Variants in REEP3 observed in about 807,000 individuals in gnomAD.
REEP3 encodes receptor accessory protein 3.
A neutral mutation model predicts 41.3 loss-of-function variants in REEP3; 20 were observed. That is an observed-to-expected ratio of 0.48 (90% CI 0.34 to 0.70). The LOEUF is 0.70. Ranked by LOEUF, REEP3 falls within the 30% of genes least tolerant of loss-of-function variation. The pLI, the probability that REEP3 is intolerant of heterozygous loss-of-function variation, is 0.01. For synonymous variants in REEP3, 104 were observed against 101.8 expected, an observed-to-expected ratio of 1.02 and a Z score of -0.13; for missense variants, 271 against 308.8, an observed-to-expected ratio of 0.88 and a Z score of 0.92.
chr10:63,576,917 T>G (rs1955903491), intron 2 of REEP3, among the ~76,000 whole-genome samples: 1 of 152,152 alleles, frequency 6.6e-6, no homozygotes, highest in Non-Finnish European at 1.5e-5. Flanking sequence ...TTAACCTTAA[T>G]TACCACCATA....
At chr10:63,607,881 TA>T in intron 5 of REEP3, among the ~76,000 whole-genome samples, 1 of 152,248 alleles carries the variant, frequency 6.6e-6, no homozygotes, top group Non-Finnish European at 1.5e-5. Flanking sequence ...GATATAATTA[TA>T]AAGCTAGACT....
chr10:63,546,926 CTT>C (rs756972259), intron 1 of REEP3, among the ~76,000 whole-genome samples: 4 of 145,454 alleles, frequency 2.8e-5, no homozygotes, highest in Non-Finnish European at 3.0e-5. Flanking sequence ...TTCTTCGTGA[CTT>C]TTTTTTTTTT....
intron 1 of REEP3, 128 bp from the exon 2 acceptor site, chr10:63,566,210 T>C (rs980622544): frequency 1.5e-6 from 1 of 654,056 alleles, no homozygotes; most frequent in Admixed American, 3.0e-5. Flanking sequence ...AAAAATATAT[T>C]TTTACTTTTT....
intron 5 of REEP3, chr10:63,599,628 C>A: frequency 1.1e-6 from 1 of 913,838 alleles, no homozygotes; most frequent in South Asian, 5.0e-5. Context: ...TTCTTTCTCT[C>A]TCTTTTTTTC....
At chr10:63,568,285 G>C (rs75785255) in intron 2 of REEP3, among the ~76,000 whole-genome samples, 1 of 93,546 alleles carries the variant, frequency 1.1e-5, no homozygotes, top group African/African-American at 4.1e-5. Flanking sequence ...TTTTTTTTTT[G>C]AGACGGAGTC....
In REEP3 at chr10:63,538,923, G is replaced by A. The variant is rs544929000; in HGVS notation, c.32+17346G>A. ...TTGCTTCCTTGTCATTCCATGTGCT[G>A]TGCTCACTTGATCAGTAGAGGACAT... On this transcript the variant is annotated intron_variant, in intron 1 of 7. Transcript: ENST00000373758. 7.2e-5 allele frequency among the ~76,000 whole-genome samples: 11 copies of A among 152,194 alleles called. No individual in the cohort carries two copies. In the East Asian group the frequency reaches 9.6e-4, roughly 13 times the overall value.
intron 1 of REEP3, among the ~76,000 whole-genome samples, chr10:63,522,667 A>G (rs1955294370): frequency 6.6e-6 from 1 of 152,208 alleles, no homozygotes; most frequent in Non-Finnish European, 1.5e-5. Context: ...CTTTTTGTTA[A>G]AAGGAGCTAG....
intron 2 of REEP3, among the ~76,000 whole-genome samples, chr10:63,592,330 T>A (rs2133401799): frequency 6.6e-6 from 1 of 152,342 alleles, no homozygotes; most frequent in East Asian, 1.9e-4. Context: ...TTTCAAACCC[T>A]TCTCATAGAA....
intron 5 of REEP3, among the ~76,000 whole-genome samples, chr10:63,605,880 C>T (rs1237113840): frequency 2.0e-5 from 3 of 152,120 alleles, no homozygotes; most frequent in African/African-American, 7.2e-5. Context: ...TAGCTCTGGA[C>T]CCAGCCCTCC....
At chr10:63,615,548 C>CTTT (rs200849735) in intron 6 of REEP3, among the ~76,000 whole-genome samples, 1 of 142,696 alleles carries the variant, frequency 7.0e-6, no homozygotes, top group Non-Finnish European at 1.5e-5. Flanking sequence ...CTAAATTAAA[C>CTTT]TTTTTTTTTT....
At chr10:63,596,380 A>G (rs534930294) in intron 3 of REEP3, among the ~76,000 whole-genome samples, 1 of 151,950 alleles carries the variant, frequency 6.6e-6, no homozygotes, top group East Asian at 1.9e-4. Flanking sequence ...TCTGATTGCA[A>G]ATGTAGCCTA....
At chr10:63,565,647 A>C (rs12268305) in intron 1 of REEP3, among the ~76,000 whole-genome samples, 1 of 152,152 alleles carries the variant, frequency 6.6e-6, no homozygotes, top group African/African-American at 2.4e-5. Flanking sequence ...TGTCTTAGGT[A>C]TACTACACGT....
intron 1 of REEP3, among the ~76,000 whole-genome samples, chr10:63,560,234 CAAG>C (rs1365856289): frequency 2.0e-5 from 3 of 151,962 alleles, no homozygotes; most frequent in Non-Finnish European, 2.9e-5. Flanking sequence ...AAAAGAATGA[CAAG>C]AAGAATAGAT....
intron 6 of REEP3, among the ~76,000 whole-genome samples, chr10:63,616,394 A>G (rs1028592104): frequency 6.6e-6 from 1 of 152,218 alleles, no homozygotes; most frequent in Non-Finnish European, 1.5e-5. Context: ...TTTTGAGGGT[A>G]GAAAAAGACA....
intron 2 of REEP3, among the ~76,000 whole-genome samples, chr10:63,578,457 G>A (rs1369503685): frequency 1.3e-5 from 2 of 152,082 alleles, no homozygotes; most frequent in African/African-American, 4.8e-5. Context: ...TTTTAAATGT[G>A]TTCACTTAGG....
chr10:63,527,956 T>G (rs1413006579), intron 1 of REEP3, among the ~76,000 whole-genome samples: 4 of 4,462 alleles, frequency 9.0e-4, no homozygotes, highest in African/African-American at 8.0e-3. Flanking sequence ...TTTTTTTGTT[T>G]TTTTTTTTTT....
chr10:63,580,667 T>G (rs1955945287), intron 2 of REEP3, among the ~76,000 whole-genome samples: 1 of 151,966 alleles, frequency 6.6e-6, no homozygotes, highest in Non-Finnish European at 1.5e-5. Flanking sequence ...AGAAAAGAGT[T>G]TAAGCAAGCA....
At chr10:63,606,199 C>T (rs79174007) in intron 5 of REEP3, 33,940 of 485,568 alleles carry the variant, frequency 0.07, 1,388 homozygotes, top group East Asian at 0.13. Flanking sequence ...ATGGTAATCC[C>T]GCCTTTCCTC....
chr10:63,574,622 G>A (rs781166591), intron 2 of REEP3, among the ~76,000 whole-genome samples: 1 of 151,978 alleles, frequency 6.6e-6, no homozygotes, highest in Non-Finnish European at 1.5e-5. Context: ...ACAGTATCCT[G>A]CCATTACCAT....
Sources: allele counts gnomAD v4.1 joint callset (sites outside exome capture counted in the v4.1 genomes callset), GRCh38; gene constraint gnomAD v4.1.1; transcripts MANE v1.5; gene names NCBI Gene and HGNC (gene_info 2026-07-23, HGNC 2026-07-21).